The following CEP76 variants were observed in gnomAD, a reference collection of about 807,000 sequenced individuals.
CEP76 encodes centrosomal protein of 76 kDa.
A neutral mutation model predicts 83.3 loss-of-function variants in CEP76; 55 were observed. That is an observed-to-expected ratio of 0.66 (90% CI 0.53 to 0.83). CEP76 has a LOEUF of 0.83. Among genes scored for constraint, CEP76 ranks in the 40% least tolerant of loss-of-function variants. CEP76 has a pLI of 0.00. For synonymous variants in CEP76, 270 were observed against 274.5 expected, an observed-to-expected ratio of 0.98 and a Z score of 0.16; for missense variants, 694 against 799.5, an observed-to-expected ratio of 0.87 and a Z score of 1.59.
intron 9 of CEP76, chr18:12,679,327 T>C (rs540180406): frequency 8.5e-5 from 13 of 152,146 alleles, no homozygotes; most frequent in Admixed American, 5.9e-4. Context: ...GTTCGAGCAA[T>C]TTGCAGTGGG....
At chr18:12,672,175 C>G (rs1224778576), downstream of CEP76, among the ~76,000 whole-genome samples, 1 of 148,948 alleles carries the variant, frequency 6.7e-6, no homozygotes, top group Non-Finnish European at 1.5e-5. Context: ...AGTGCAGTGG[C>G]GCGATCTCAC....
At position 12,673,429 on chromosome 18, in the gene CEP76, G is replaced by A. The variant is rs1046871; in HGVS notation, c.1916C>T (p.Thr639Ile). Residue 639 changes from threonine (T) to isoleucine (I), a missense_variant, in exon 12 of 12, where the codon ACT (threonine) becomes ATT (isoleucine). Transcript: ENST00000262127. The stretch of plus-strand genomic sequence containing the variant: ...AACAGCACATGCAGATTCAGGGTAA[G>A]TAAATACTCGGACACGAACTGCCAG... ...VRLAVRVRVF[T>I]YPESACAVWI... 6.2e-7 allele frequency: 1 copy of A among 1,604,698 alleles called. No homozygotes were observed. The highest frequency in any genetic ancestry group is 1.3e-5 in the African/African-American group (1 of 74,192).
chr18:12,691,565 C>T (rs1598649050), intron 6 of CEP76, 78 bp from the exon 7 acceptor site: 2 of 1,056,086 alleles, frequency 1.9e-6, no homozygotes, highest in East Asian at 2.6e-5. Flanking sequence ...AATTTATCTA[C>T]TTCTCTACAT....
chr18:12,686,066 TATTTTTTATTATTGTA>T, intron 8 of CEP76, 180 bp downstream of exon 8: 1 of 468,390 alleles, frequency 2.1e-6, no homozygotes, highest in Non-Finnish European at 3.8e-6. Context: ...TAATTTGTAC[TATTTTTTATTATTGTA>T]ATTTTTTACT....
intron 1 of CEP76, among the ~76,000 whole-genome samples, 200 bp from the exon 2 acceptor site, chr18:12,701,313 T>C (rs2040142486): frequency 6.6e-6 from 1 of 152,166 alleles, no homozygotes; most frequent in Non-Finnish European, 1.5e-5. Flanking sequence ...GCACCTTTGT[T>C]ACCATTTCTC....
intron 11 of CEP76, 88 bp downstream of exon 11, chr18:12,674,441 TAAAAAAA>T: frequency 1.4e-6 from 1 of 715,112 alleles, no homozygotes; most frequent in Non-Finnish European, 2.2e-6. Context: ...GACCTTGAGT[TAAAAAAA>T]AAAAAAAAAG....
chr18:12,671,842 A>ATGGAGTATTGCTCTGTTGCCCACGC (rs2144969833), downstream of CEP76, among the ~76,000 whole-genome samples: 1 of 151,848 alleles, frequency 6.6e-6, no homozygotes, highest in Admixed American at 6.6e-5. Context: ...TTTTTTTGAG[A>ATGGAGTATTGCTCTGTTGCCCACGC]TGGAGTATTG....
chr18:12,697,599 A>G (rs900951126), intron 4 of CEP76, among the ~76,000 whole-genome samples, 191 bp from the exon 5 acceptor site: 1 of 152,256 alleles, frequency 6.6e-6, no homozygotes, highest in African/African-American at 2.4e-5. Flanking sequence ...AACTTTTCAG[A>G]AGACTGGCAA....
At chr18:12,700,872 A>T in intron 2 of CEP76, 86 bp downstream of exon 2, 3 of 1,095,136 alleles carry the variant, frequency 2.7e-6, no homozygotes, top group Non-Finnish European at 3.9e-6. Context: ...CTAAAACGAA[A>T]GGCCCCACAT....
rs964039615 is a variant in CEP76, at chr18:12,695,702, A to G, written c.707-351T>C. Among the ~76,000 whole-genome samples the G allele has an allele frequency of 3.9e-5, 6 of 152,166 alleles. No individual in the cohort carries two copies. In the South Asian group the frequency reaches 1.2e-3, roughly 32 times the overall value. ...CTTGGTGGGATTACAGGCATGAGCC[A>G]CTACACCTGGCTTTTCTAACAGGTT... On this transcript the variant is annotated intron_variant, in intron 5 of 11. Transcript: ENST00000262127.
chr18:12,695,669 C>A (rs1484093247), intron 5 of CEP76, among the ~76,000 whole-genome samples: 1 of 152,086 alleles, frequency 6.6e-6, no homozygotes, highest in East Asian at 1.9e-4. Context: ...CCTCAGCCTT[C>A]CAAAGTGCTT....
Position 12,700,961 on chromosome 18 carries a change from A to C in CEP76, c.216T>G (p.Val72=). ...ATTTCCCTAAAAGATTACTCACAGT[A>C]ACAAAATTAAGTTCTTTCATCACAT... ...IDDVMKELNF[V]TDSVEQELPS... The change falls in exon 2 of 12, where the codon GTT becomes GTG. Residue 72 remains valine, a synonymous_variant. Coordinates refer to ENST00000262127, the MANE Select transcript of CEP76 (RefSeq NM_024899.4). The C allele has an allele frequency of 6.2e-7, 1 of 1,612,076 alleles. No individual in the cohort carries two copies. Among genetic ancestry groups the C allele is most frequent in the South Asian group, 1.1e-5 (1 of 90,852 alleles).
At chr18:12,688,827 G>A (rs564844243) in intron 7 of CEP76, among the ~76,000 whole-genome samples, 1 of 152,140 alleles carries the variant, frequency 6.6e-6, no homozygotes, top group African/African-American at 2.4e-5. Flanking sequence ...ATTGCAAAAA[G>A]TTCTTGGCCA....
At chr18:12,693,461 C>T (rs185048060) in intron 6 of CEP76, among the ~76,000 whole-genome samples, 4 of 151,914 alleles carry the variant, frequency 2.6e-5, no homozygotes, top group African/African-American at 9.7e-5. Context: ...GCTACTACCC[C>T]AAAAAAGTAG....
chr18:12,678,631 T>C (rs1298422929), intron 9 of CEP76, among the ~76,000 whole-genome samples, 189 bp from the exon 10 acceptor site: 5 of 152,120 alleles, frequency 3.3e-5, no homozygotes, highest in Non-Finnish European at 5.9e-5. Context: ...CTTTACAATA[T>C]TGAAACCAAC....
chr18:12,677,984 A>C, intron 10 of CEP76, 125 bp downstream of exon 10: 1 of 678,062 alleles, frequency 1.5e-6, no homozygotes, highest in Admixed American at 2.9e-5. Flanking sequence ...GCTTCATAAT[A>C]GTAGGGACTG....
At chr18:12,675,620 A>C (rs1234341451) in intron 10 of CEP76, among the ~76,000 whole-genome samples, 1 of 152,150 alleles carries the variant, frequency 6.6e-6, no homozygotes, top group African/African-American at 2.4e-5. Context: ...AGGGAGCTTA[A>C]AACATATTTC....
intron 11 of CEP76, 68 bp from the exon 12 acceptor site, chr18:12,673,571 A>G: frequency 7.7e-7 from 1 of 1,305,074 alleles, no homozygotes; most frequent in African/African-American, 1.6e-5. Context: ...ATTTGCAAGT[A>G]AATCAGTATT....
exon 13 of CEP76, chr18:12,662,109 C>T: frequency 2.3e-6 from 1 of 440,806 alleles, no homozygotes; most frequent in Non-Finnish European, 4.5e-6. Context: ...AGCACCATCA[C>T]TGTGCAGCCC....
Sources: allele counts gnomAD v4.1 joint callset (sites outside exome capture counted in the v4.1 genomes callset), GRCh38; gene constraint gnomAD v4.1.1; transcripts MANE v1.5; gene names NCBI Gene and HGNC (gene_info 2026-07-23, HGNC 2026-07-21).